Variants in INHBB observed in about 807,000 individuals in gnomAD.
INHBB encodes the protein inhibin subunit beta B.
A neutral mutation model predicts 28.9 loss-of-function variants in INHBB; 8 were observed. The ratio of observed to expected loss-of-function variants is 0.28; its 90% CI spans 0.16 to 0.50. INHBB has a LOEUF of 0.50. Ranked by LOEUF, INHBB falls within the 20% of genes least tolerant of loss-of-function variation. The probability of loss-of-function intolerance (pLI) is 0.98; values close to 1 mark genes in which losing one functional copy is unlikely to be tolerated. For synonymous variants in INHBB, 293 were observed against 262.7 expected (o/e 1.12, Z -1.12); for missense variants, 499 against 597.8 (o/e 0.83, Z 1.72).
intron 1 of INHBB, among the ~76,000 whole-genome samples, chr2:120,348,632 G>C (rs1176515667): frequency 8.6e-6 from 1 of 115,612 alleles, no homozygotes; most frequent in African/African-American, 3.3e-5. Flanking sequence ...GGCTCAGCTT[G>C]ATTTTGCAAT....
chr2:120,349,482 G>A lies in INHBB; in HGVS notation c.832G>A (p.Val278Met), dbSNP rs773509193. 2.5e-6 allele frequency: 4 copies of A among 1,613,642 alleles called. No individual in the cohort carries two copies. In the South Asian group the frequency reaches 3.3e-5, roughly 13 times the overall value. The change falls in exon 2 of 2, where the codon GTG becomes ATG. Residue 278 changes from valine (V) to methionine (M), a missense_variant. This residue lies in a region of INHBB where 385 missense variants were observed against 415.2 expected (regional missense o/e 0.93). Transcript: ENST00000295228. The surrounding 1 kb of genome is among the most constrained non-coding windows in gnomAD (Gnocchi z 5.6). ...AGAGTCGCACCGGCCCTTTGTGGTG[G>A]TGCAGGCTCGGCTGGGCGACAGCAG... ...GEESHRPFVV[V>M]QARLGDSRHR...
chr2:120,347,872 A>G (rs1691189538), intron 1 of INHBB, among the ~76,000 whole-genome samples: 1 of 152,222 alleles, frequency 6.6e-6, no homozygotes, highest in African/African-American at 2.4e-5. Flanking sequence ...AAAGCTCGCC[A>G]TGCAATTAGA....
At chr2:120,346,793 C>G (rs1389836273) in intron 1 of INHBB, among the ~76,000 whole-genome samples, 157 bp downstream of exon 1, 1 of 152,218 alleles carries the variant, frequency 6.6e-6, no homozygotes, top group Non-Finnish European at 1.5e-5. Context: ...CCTGCGCGCT[C>G]CGCCCGGGTT....
Position 120,346,642 on chromosome 2 carries a change from T to G in INHBB, c.448+6T>G, listed in dbSNP as rs1433883462. Reference sequence around the variant, plus strand: ...CATCAGCTTCGCCGAGACAGGTGGGTCCGGCCCTCCGGCTGTCTGCCGCGG... The same window carrying G: ...CATCAGCTTCGCCGAGACAGGTGGGGCCGGCCCTCCGGCTGTCTGCCGCGG... On this transcript the variant is annotated splice_donor_region_variant and intron_variant, in intron 1 of 1. Transcript: ENST00000295228. 12 of 1,422,038 alleles carry G rather than the reference T, an allele frequency of 8.4e-6. No homozygotes were observed. The highest frequency in any genetic ancestry group is 1.1e-5 in the Non-Finnish European group (12 of 1,094,050). The allele number at this position is 1,422,038 out of a possible 1,614,324, so 88.1% of individuals were successfully genotyped here.
chr2:120,346,460 G>A lies in INHBB; in HGVS notation c.272G>A (p.Arg91Gln). 1.3e-6 allele frequency: 2 copies of A among 1,557,116 alleles called. No individual in the cohort carries two copies. Among genetic ancestry groups the A allele is most frequent in the Non-Finnish European group, 1.7e-6 (2 of 1,159,990 alleles). Residue 91 changes from arginine (R) to glutamine (Q), a missense_variant, in exon 1 of 2, where the codon CGG (arginine) becomes CAG (glutamine). Physicochemically the swap from Arg to Gln is conservative, Grantham distance 43 (BLOSUM62 1). Transcript: ENST00000295228. Reference protein sequence around the residue: ...HILSRLQMRGRPNITHAVPKA... With the variant: ...HILSRLQMRGQPNITHAVPKA... ...TTGAGCCGCCTGCAGATGCGGGGCC[G>A]GCCCAACATCACGCACGCCGTGCCT...
chr2:120,347,488 G>T (rs1402923221), intron 1 of INHBB, among the ~76,000 whole-genome samples: 1 of 150,928 alleles, frequency 6.6e-6, no homozygotes, highest in African/African-American at 2.4e-5. Flanking sequence ...AAAAGAAGGA[G>T]AAAAATGTGC....
Position 120,351,586 on chromosome 2 carries a change from G to A in INHBB, c.*1712G>A, listed in dbSNP as rs986314877. On this transcript the variant is annotated 3_prime_UTR_variant, in exon 2 of 2. Coordinates refer to ENST00000295228, the MANE Select transcript of INHBB (RefSeq NM_002193.4). Reference sequence around the variant, plus strand: ...ATGGATTTTGTTTATTCGGTTTGATGTGTCTTTTCCATCCTTACACACCCA... The same window carrying A: ...ATGGATTTTGTTTATTCGGTTTGATATGTCTTTTCCATCCTTACACACCCA... The A allele has an allele frequency of 5.3e-5, 8 of 152,258 alleles. No individual in the cohort carries two copies. In the East Asian group the frequency reaches 7.7e-4, roughly 15 times the overall value. 9.4% of individuals were successfully genotyped at this position (152,258 alleles called of 1,614,324 possible). A position where few individuals can be genotyped will look rare whatever the true frequency, so the allele number is the denominator to read the frequency against.
chr2:120,346,720 G>A, intron 1 of INHBB, 84 bp downstream of exon 1: 1 of 1,298,272 alleles, frequency 7.7e-7, no homozygotes, highest in Non-Finnish European at 9.9e-7. Context: ...TGCCACCGCC[G>A]CCACCGCAGC....
rs767415475 is a variant in INHBB, at chr2:120,350,012, G to A, written c.*138G>A. 1.1e-4 allele frequency: 93 copies of A among 835,052 alleles called. No homozygotes were observed. Among genetic ancestry groups the A allele is most frequent in the Admixed American group, 1.2e-4 (4 of 33,860 alleles). The allele number at this position is 835,052 out of a possible 1,614,324, so 51.7% of individuals were successfully genotyped here. Reference sequence around the variant, plus strand: ...GGCTGTGGAGATAGTGCCAGGGTGCGGCCTGAGATATTTTTCTACAGCTTC... The same window carrying A: ...GGCTGTGGAGATAGTGCCAGGGTGCAGCCTGAGATATTTTTCTACAGCTTC... On this transcript the variant is annotated 3_prime_UTR_variant, in exon 2 of 2. Transcript: ENST00000295228.
rs984021012 is a variant in INHBB, at chr2:120,350,667, T to TC, written c.*795dup. 2 of 152,266 alleles carry TC rather than the reference T, an allele frequency of 1.3e-5. No homozygotes were observed. The highest frequency in any genetic ancestry group is 4.8e-5 in the African/African-American group (2 of 41,446). 9.4% of individuals were successfully genotyped at this position (152,266 alleles called of 1,614,324 possible). A position where few individuals can be genotyped will look rare whatever the true frequency, so the allele number is the denominator to read the frequency against. ...GCTAAATTTGATGCTTTAACTGATC[T>TC]CCAACAGTTGACAGGTCATCCTTGC... On this transcript the variant is annotated 3_prime_UTR_variant, in exon 2 of 2. Transcript: ENST00000295228.
rs887139290 is a variant in INHBB, at chr2:120,351,604, C to A, written c.*1730C>A. On this transcript the variant is annotated 3_prime_UTR_variant, in exon 2 of 2. Transcript: ENST00000295228. ...GTTTGATGTGTCTTTTCCATCCTTA[C>A]ACACCCAGAAGGTAGAGTAAAAATG... The A allele has an allele frequency of 6.6e-6, 1 of 152,208 alleles. No homozygotes were observed. The highest frequency in any genetic ancestry group is 1.5e-5 in the Non-Finnish European group (1 of 68,036). 9.4% of individuals were successfully genotyped at this position (152,208 alleles called of 1,614,324 possible).
In INHBB at chr2:120,349,160, C is replaced by A; in HGVS notation, c.510C>A (p.Asn170Lys). The A allele has an allele frequency of 6.2e-7, 1 of 1,614,064 alleles. No homozygotes were observed. The highest frequency in any genetic ancestry group is 8.5e-7 in the Non-Finnish European group (1 of 1,180,010). ...YFFISNEGNQ[N>K]LFVVQASLWL... ...TCATCTCCAACGAAGGCAACCAGAA[C>A]CTGTTTGTGGTCCAGGCCAGCCTGT... Residue 170 changes from asparagine (N) to lysine (K), a missense_variant, in exon 2 of 2, where the codon AAC (asparagine) becomes AAA (lysine). By Grantham distance (94) the Asn-to-Lys change is moderately conservative. Coordinates refer to ENST00000295228, the MANE Select transcript of INHBB (RefSeq NM_002193.4). The surrounding 1 kb of genome is among the most constrained non-coding windows in gnomAD (Gnocchi z 5.6).
chr2:120,351,330 G>A lies in INHBB; in HGVS notation c.*1456G>A. 1 of 149,596 alleles carries A rather than the reference G, an allele frequency of 6.7e-6. No individual in the cohort carries two copies. Among genetic ancestry groups the A allele is most frequent in the Non-Finnish European group, 1.5e-5 (1 of 67,644 alleles). 9.3% of individuals were successfully genotyped at this position (149,596 alleles called of 1,614,324 possible). A position where few individuals can be genotyped will look rare whatever the true frequency, so the allele number is the denominator to read the frequency against. ...TTTTAAGCGAATGATTGCTTTTAAT[G>A]TTTGCACTGATTTAGTTGCATGATT... is the stretch of plus-strand genomic sequence containing the variant. On this transcript the variant is annotated 3_prime_UTR_variant, in exon 2 of 2. Transcript: ENST00000295228.
chr2:120,349,330 A>G lies in INHBB; in HGVS notation c.680A>G (p.His227Arg), dbSNP rs748893887. ...KRVDLKRSGW[H>R]TFPLTEAIQA... ...GTGGACCTCAAGCGCAGCGGCTGGC[A>G]TACCTTCCCACTCACGGAGGCCATC... Residue 227 changes from histidine (H) to arginine (R), a missense_variant, in exon 2 of 2, where the codon CAT becomes CGT. Transcript: ENST00000295228. The surrounding 1 kb of genome is among the most constrained non-coding windows in gnomAD (Gnocchi z 5.6). The G allele has an allele frequency of 6.8e-6, 11 of 1,613,988 alleles. No homozygotes were observed. Among genetic ancestry groups the G allele is most frequent in the Non-Finnish European group, 8.5e-6 (10 of 1,180,008 alleles).
rs775693992 is a variant in INHBB at position 120,349,256 on chromosome 2, C to T, written c.606C>T (p.Tyr202=). ...GSRRKVRVKV[Y]FQEQGHGDRW... is the part of the protein sequence containing the mutation. ...GGCGGAAGGTGCGGGTCAAAGTGTA[C>T]TTCCAGGAGCAGGGCCACGGTGACA... The change falls in exon 2 of 2, where the codon TAC becomes TAT. Residue 202 remains tyrosine (Y), a synonymous_variant. Coordinates refer to ENST00000295228, the MANE Select transcript of INHBB (RefSeq NM_002193.4). This position sits in a 1 kb window ranked among gnomAD's most constrained non-coding sequence, Gnocchi z 5.6. The T allele has an allele frequency of 1.2e-6, 2 of 1,614,204 alleles. No individual in the cohort carries two copies. Among genetic ancestry groups the T allele is most frequent in the African/African-American group, 1.3e-5 (1 of 75,062 alleles).
chr2:120,347,227 C>T (rs1025952433), intron 1 of INHBB, among the ~76,000 whole-genome samples: 9 of 152,146 alleles, frequency 5.9e-5, no homozygotes, highest in Admixed American at 3.9e-4. Flanking sequence ...GTGTGGGCAC[C>T]GGAATCGGGC....
At chr2:120,346,943 C>A (rs1418240601) in intron 1 of INHBB, among the ~76,000 whole-genome samples, 2 of 152,256 alleles carry the variant, frequency 1.3e-5, no homozygotes, top group Non-Finnish European at 2.9e-5. Flanking sequence ...CAGATGCGCG[C>A]GGCCCTGGCT....
At position 120,349,048 on chromosome 2, in the gene INHBB, G is replaced by A. The variant is rs749786512; in HGVS notation, c.449-51G>A. 6 of 1,544,402 alleles carry A rather than the reference G, an allele frequency of 3.9e-6. No homozygotes were observed. The highest frequency in any genetic ancestry group is 5.3e-6 in the Non-Finnish European group (6 of 1,142,448). ...CAGCAGAGAGTGTGTTTCCCCCATT[G>A]CCTTGTGTTCTCCTTGAATTAACTT... On this transcript the variant is annotated intron_variant, in intron 1 of 1. Transcript: ENST00000295228. This position sits in a 1 kb window ranked among gnomAD's most constrained non-coding sequence, Gnocchi z 5.6.
Position 120,349,654 on chromosome 2 carries a change from G to A in INHBB, c.1004G>A (p.Ser335Asn), listed in dbSNP as rs201508130. Reference sequence around the variant, plus strand: ...TACTACGGGAACTACTGTGAGGGCAGCTGCCCAGCCTACCTGGCAGGGGTC... The same window carrying A: ...TACTACGGGAACTACTGTGAGGGCAACTGCCCAGCCTACCTGGCAGGGGTC... ...TGYYGNYCEG[S>N]CPAYLAGVPG... The change falls in exon 2 of 2, where the codon AGC (serine) becomes AAC (asparagine). Residue 335 changes from serine (S) to asparagine (N), a missense_variant. Ser to Asn is a conservative substitution (Grantham distance 46, BLOSUM62 1). This residue lies in a region of INHBB where 114 missense variants were observed against 182.6 expected (regional missense o/e 0.62). Transcript: ENST00000295228. This position sits in a 1 kb window ranked among gnomAD's most constrained non-coding sequence, Gnocchi z 5.6. 16 of 1,613,812 alleles carry A rather than the reference G, an allele frequency of 9.9e-6. No individual in the cohort carries two copies. The highest frequency in any genetic ancestry group is 5.0e-5 in the Admixed American group (3 of 60,034).
Sources: allele counts gnomAD v4.1 joint callset (sites outside exome capture counted in the v4.1 genomes callset), GRCh38; gene constraint gnomAD v4.1.1; regional missense constraint gnomAD v4.1.1; non-coding constraint Gnocchi (gnomAD v3.1); transcripts MANE v1.5; gene names NCBI Gene and HGNC (gene_info 2026-07-23, HGNC 2026-07-21).